Variants in ADGRL3 observed in about 807,000 individuals in gnomAD.
The protein encoded by ADGRL3 is adhesion G protein-coupled receptor L3.
ADGRL3 carries 62 observed loss-of-function variants against 153.5 expected under a neutral mutation model. The ratio of observed to expected loss-of-function variants is 0.40; its 90% CI spans 0.33 to 0.50. The LOEUF is 0.50. ADGRL3 is among the 20% of genes least tolerant of loss of function. The pLI, the probability that ADGRL3 is intolerant of heterozygous loss-of-function variation, is 0.47. For missense variants in ADGRL3, 1,641 were observed against 1,859.4 expected (o/e 0.88, Z 2.16); for synonymous variants, 710 against 672.5 (o/e 1.06, Z -0.86).
rs1237572478 is a variant in ADGRL3 at position 61,200,511 on chromosome 4, CGCCGCCGCCGCCGCT to C, written c.-1491_-1477del. 6.6e-6 allele frequency among the ~76,000 whole-genome samples: 1 copy of C among 151,662 alleles called. No individual in the cohort carries two copies. The highest frequency in any genetic ancestry group is 2.0e-4 in the East Asian group (1 of 5,096). The stretch of plus-strand genomic sequence containing the variant: ...AGCTGGTCGGGGTGGGCGCCGCCGC[CGCCGCCGCCGCCGCT>C]GCTGCTGGTTTTTCTCGGACTGCTC... On this transcript the variant is annotated 5_prime_UTR_variant, in exon 1 of 27. Coordinates refer to ENST00000683033, the MANE Select transcript of ADGRL3 (RefSeq NM_001387552.1).
At chr4:61,260,342 C>T (rs1241946683) in intron 1 of ADGRL3, among the ~76,000 whole-genome samples, 1 of 152,148 alleles carries the variant, frequency 6.6e-6, no homozygotes, top group Non-Finnish European at 1.5e-5. Context: ...ACATCTCTGT[C>T]TGTTCTTTTC....
chr4:61,828,290 C>A (rs1383454167), intron 9 of ADGRL3, among the ~76,000 whole-genome samples: 1 of 152,034 alleles, frequency 6.6e-6, no homozygotes, highest in Non-Finnish European at 1.5e-5. Context: ...TCCTAAGACA[C>A]AACACAGAGC....
intron 1 of ADGRL3, among the ~76,000 whole-genome samples, chr4:61,374,458 A>T (rs955265392): frequency 1.2e-4 from 19 of 152,054 alleles, no homozygotes; most frequent in African/African-American, 4.1e-4. Flanking sequence ...CAGGCTTGTA[A>T]GTTACATTGG....
chr4:61,793,702 C>A (rs532201347), intron 8 of ADGRL3, among the ~76,000 whole-genome samples: 104 of 152,206 alleles, frequency 6.8e-4, no homozygotes, highest in Admixed American at 1.1e-3. Context: ...CTCAGCCTAC[C>A]CTCCAGACAG....
rs183712946 is a variant in ADGRL3, at chr4:61,812,793, C to T, written c.1400-1016C>T. 2.1e-3 allele frequency among the ~76,000 whole-genome samples: 314 copies of T among 152,242 alleles called. 6 individuals are homozygous for T. The highest frequency in any genetic ancestry group is 5.8e-4 in the East Asian group (3 of 5,164). On this transcript the variant is annotated intron_variant, in intron 8 of 26. Coordinates refer to ENST00000683033, the MANE Select transcript of ADGRL3 (RefSeq NM_001387552.1). ...AAAATTCACTTTAATGCTTTCATCT[C>T]ATAAAACAGAAAGTGTATTACAAAT...
chr4:61,774,874 G>A (rs758139356), intron 8 of ADGRL3, among the ~76,000 whole-genome samples: 1 of 152,140 alleles, frequency 6.6e-6, no homozygotes, highest in Non-Finnish European at 1.5e-5. Context: ...TCCACTGGGG[G>A]GCCTTGGGAC....
intron 2 of ADGRL3, among the ~76,000 whole-genome samples, chr4:61,407,206 T>A (rs1215206515): frequency 6.6e-6 from 1 of 152,076 alleles, no homozygotes; most frequent in Non-Finnish European, 1.5e-5. Context: ...AATTTGAGGT[T>A]TTTTTGTAAC....
At chr4:61,372,978 G>A (rs2151764477) in intron 1 of ADGRL3, among the ~76,000 whole-genome samples, 1 of 152,352 alleles carries the variant, frequency 6.6e-6, no homozygotes, top group East Asian at 1.9e-4. Context: ...TCGGGTGGGA[G>A]TGACCCGATT....
At chr4:61,559,816 A>G (rs1046586176) in intron 4 of ADGRL3, among the ~76,000 whole-genome samples, 1 of 151,108 alleles carries the variant, frequency 6.6e-6, no homozygotes, top group Non-Finnish European at 1.5e-5. Context: ...AACCATAATC[A>G]TTTTTTTTTA....
At chr4:61,372,741 C>T (rs1432148160) in intron 1 of ADGRL3, among the ~76,000 whole-genome samples, 1 of 152,158 alleles carries the variant, frequency 6.6e-6, no homozygotes. Context: ...CCTCCTTGAG[C>T]TGTGGTGGGC....
Position 61,813,811 on chromosome 4 carries a change from C to T in ADGRL3, c.1402C>T (p.Gln468Ter). 6.3e-7 allele frequency: 1 copy of T among 1,587,252 alleles called. No homozygotes were observed. The highest frequency in any genetic ancestry group is 8.7e-7 in the Non-Finnish European group (1 of 1,155,814). Residue 468 changes from glutamine (Q) to a stop codon, truncating the protein, a stop_gained and splice_region_variant, in exon 9 of 27, where the codon CAG (glutamine) becomes TAG (stop). Coordinates refer to ENST00000683033, the MANE Select transcript of ADGRL3 (RefSeq NM_001387552.1). LOFTEE classifies it high-confidence loss of function. ...DFGPLDSRSG[Q>*]AHHGQVSYIS... ...AACAATTTGTTTTGGGTCCACAGGG[C>T]AGGCACATCATGGACAAGTTTCATA... is the stretch of plus-strand genomic sequence containing the variant.
intron 5 of ADGRL3, among the ~76,000 whole-genome samples, chr4:61,656,375 A>G (rs1324098183): frequency 6.6e-6 from 1 of 152,020 alleles, no homozygotes; most frequent in African/African-American, 2.4e-5. Flanking sequence ...GGGGGGTGAA[A>G]TATACAAAAG....
At chr4:62,024,046 A>G (rs1716871297) in intron 21 of ADGRL3, among the ~76,000 whole-genome samples, 2 of 152,162 alleles carry the variant, frequency 1.3e-5, no homozygotes, top group Non-Finnish European at 2.9e-5. Context: ...TCTCACATAT[A>G]AATTAATTCT....
At chr4:61,303,737 T>G (rs1429776675) in intron 1 of ADGRL3, among the ~76,000 whole-genome samples, 2 of 152,208 alleles carry the variant, frequency 1.3e-5, no homozygotes, top group Non-Finnish European at 2.9e-5. Flanking sequence ...TGTTTCTGCG[T>G]TCTCAAACAT....
intron 1 of ADGRL3, among the ~76,000 whole-genome samples, chr4:61,364,537 T>C (rs1410774452): frequency 6.6e-6 from 1 of 152,132 alleles, no homozygotes; most frequent in South Asian, 2.1e-4. Context: ...AAATATTTAT[T>C]TATACAACTT....
chr4:61,332,654 T>C (rs768639127), intron 1 of ADGRL3, among the ~76,000 whole-genome samples: 6 of 152,166 alleles, frequency 3.9e-5, no homozygotes, highest in Admixed American at 2.0e-4. Flanking sequence ...AGAAAGTTAG[T>C]TGATGTTTTG....
At chr4:61,675,643 T>TTTTATTTATTTATTTATTTATTTATTTA (rs71213003) in intron 5 of ADGRL3, among the ~76,000 whole-genome samples, 10 of 139,780 alleles carry the variant, frequency 7.2e-5, no homozygotes, top group Non-Finnish European at 1.4e-4. Flanking sequence ...GCTTAGAAAG[T>TTTTATTTATTTATTTATTTATTTATTTA]TTTATTTATT....
chr4:61,732,923 G>A lies in ADGRL3; in HGVS notation c.768G>A (p.Lys256=), dbSNP rs547190285. Residue 256 remains lysine (K), a synonymous_variant, in exon 8 of 27, where the codon AAG becomes AAA. Coordinates refer to ENST00000683033, the MANE Select transcript of ADGRL3 (RefSeq NM_001387552.1). ...RTDTLTEYSS[K]DDFIAGRPTT... ...ATACCCTGACTGAGTATTCATCCAA[G>A]GATGACTTCATTGCTGGAAGACCAA... is the stretch of plus-strand genomic sequence containing the variant. The A allele has an allele frequency of 6.2e-7, 1 of 1,613,600 alleles. No individual in the cohort carries two copies. The highest frequency in any genetic ancestry group is 1.1e-5 in the South Asian group (1 of 91,070).
chr4:61,448,546 C>T (rs2097617757), intron 2 of ADGRL3, among the ~76,000 whole-genome samples: 1 of 152,098 alleles, frequency 6.6e-6, no homozygotes, highest in South Asian at 2.1e-4. Context: ...TAAATGGCAA[C>T]ATGTATGTAA....
Sources: gnomAD v4.1 joint callset for allele counts (sites outside exome capture counted in the v4.1 genomes callset) on GRCh38, gnomAD v4.1.1 for gene constraint, MANE v1.5 for transcripts, NCBI Gene and HGNC (gene_info 2026-07-23, HGNC 2026-07-21) for gene names.